The following CGN variants were observed in gnomAD, a reference collection of about 807,000 sequenced individuals.
The protein encoded by CGN is cingulin.
A neutral mutation model predicts 157.1 loss-of-function variants in CGN; 121 were observed. The observed-to-expected ratio is 0.77, with a 90% CI of 0.66 to 0.90. The LOEUF is 0.90. CGN is among the 40% of genes least tolerant of loss of function. CGN has a pLI of 0.00. For synonymous variants in CGN, 535 were observed against 607.5 expected (o/e 0.88, Z 1.76); for missense variants, 1,424 against 1,520.9 (o/e 0.94, Z 1.06).
At chr1:151,536,969 A>G (rs1177415518) in intron 20 of CGN, 76 bp downstream of exon 20, 10 of 1,489,360 alleles carry the variant, frequency 6.7e-6, no homozygotes, top group Non-Finnish European at 9.1e-6. Context: ...GTGCTGGATA[A>G]GGAGGAGAAT....
intron 9 of CGN, 71 bp from the exon 10 acceptor site, chr1:151,526,904 A>G (rs1664693396): frequency 6.3e-7 from 1 of 1,594,544 alleles, no homozygotes; most frequent in Non-Finnish European, 8.6e-7. Flanking sequence ...TTTTATTGTC[A>G]TGCTAACCTC....
At chr1:151,520,056 G>T in intron 2 of CGN, 110 bp from the exon 3 acceptor site, 2 of 771,288 alleles carry the variant, frequency 2.6e-6, no homozygotes, top group East Asian at 2.7e-5. Flanking sequence ...GAAGGGACTT[G>T]ACCTGAGACT....
Position 151,524,672 on chromosome 1 carries a change from A to G in CGN, c.1402-2A>G, listed in dbSNP as rs1288637880. On this transcript the variant is annotated splice_acceptor_variant, in intron 7 of 20. Coordinates refer to ENST00000271636, the MANE Select transcript of CGN (RefSeq NM_020770.3). LOFTEE classifies it high-confidence loss of function. This position sits in a 1 kb window ranked among gnomAD's most constrained non-coding sequence, Gnocchi z 4.4. ...CTGTACTTCTTCCTTTATTTTCTCC[A>G]GGACCTGTTAGAGACCCGGGAACTT... 6 of 1,603,510 alleles carry G rather than the reference A, an allele frequency of 3.7e-6. No homozygotes were observed. The highest frequency in any genetic ancestry group is 5.1e-6 in the Non-Finnish European group (6 of 1,176,894).
rs371835042 is a variant in CGN, at chr1:151,519,145, G to A, written c.626G>A (p.Arg209His). The A allele has an allele frequency of 4.5e-5, 73 of 1,614,022 alleles. No individual in the cohort carries two copies. The highest frequency in any genetic ancestry group is 1.1e-4 in the African/African-American group (8 of 75,038). Reference protein sequence around the residue: ...RRTRMLPPEQRKRSKSLDSRL... With the variant: ...RRTRMLPPEQHKRSKSLDSRL... ...ACACGGATGCTACCCCCTGAACAGC[G>A]CAAACGGAGCAAGAGCCTGGACAGC... The change falls in exon 2 of 21, where the codon CGC becomes CAC. Residue 209 changes from arginine to histidine, a missense_variant. Arg to His is a conservative substitution (Grantham distance 29). Around this residue, in one of 3 missense-constraint regions of CGN, gnomAD observed 1,187 missense variants for 1,217.6 expected, o/e 0.97. Transcript: ENST00000271636.
At chr1:151,526,164 G>A (rs1443048337) in intron 9 of CGN, among the ~76,000 whole-genome samples, 8 of 141,814 alleles carry the variant, frequency 5.6e-5, no homozygotes, top group Non-Finnish European at 9.1e-5. Context: ...GAGCCGCTGC[G>A]CCTGGCCCCC....
chr1:151,530,024 G>A lies in CGN; in HGVS notation c.2222G>A (p.Gly741Asp). Residue 741 changes from glycine (G) to aspartate (D), a missense_variant, in exon 12 of 21, where the codon GGT becomes GAT. This residue lies in a region of CGN where 1,187 missense variants were observed against 1,217.6 expected (regional missense o/e 0.97). Coordinates refer to ENST00000271636, the MANE Select transcript of CGN (RefSeq NM_020770.3). ...GACGAATTCCGCCGGCGCATCCTGGGTTTGGAGCAGCAGCTGAAGGAGACT... is the reference window on the plus strand; with the variant it reads ...GACGAATTCCGCCGGCGCATCCTGGATTTGGAGCAGCAGCTGAAGGAGACT... The part of the protein sequence containing the change: ...ENDEFRRRIL[G>D]LEQQLKETRG... 6.2e-7 allele frequency: 1 copy of A among 1,614,184 alleles called. No homozygotes were observed. The highest frequency in any genetic ancestry group is 8.5e-7 in the Non-Finnish European group (1 of 1,180,026).
chr1:151,519,932 C>G (rs1664501133), intron 2 of CGN, among the ~76,000 whole-genome samples: 1 of 152,176 alleles, frequency 6.6e-6, no homozygotes, highest in African/African-American at 2.4e-5. Flanking sequence ...TGAGGAAAAT[C>G]TGGTTTACAG....
At position 151,519,387 on chromosome 1, in the gene CGN, C is replaced by T. The variant is rs777540738; in HGVS notation, c.868C>T (p.Leu290=). The T allele has an allele frequency of 1.3e-6, 2 of 1,587,226 alleles. No individual in the cohort carries two copies. Among genetic ancestry groups the T allele is most frequent in the South Asian group, 2.2e-5 (2 of 89,852 alleles). Residue 290 remains leucine (L), a synonymous_variant, in exon 2 of 21, where the codon CTG becomes TTG. Transcript: ENST00000271636. ...PRRSAQDPTM[L]QFKSTPDLLR... ...GAGGAGTGCACAGGACCCCACCATG[C>T]TGCAGGTCAGACCCAGCCCCTCCCT... is the stretch of plus-strand genomic sequence containing the variant.
At chr1:151,515,065 G>A (rs927666500) in intron 1 of CGN, among the ~76,000 whole-genome samples, 2 of 150,722 alleles carry the variant, frequency 1.3e-5, no homozygotes, top group Non-Finnish European at 1.5e-5. Flanking sequence ...CCAGGCTGGC[G>A]GATCTCGGCT....
intron 9 of CGN, 54 bp from the exon 10 acceptor site, chr1:151,526,921 G>T: frequency 6.2e-7 from 1 of 1,610,378 alleles, no homozygotes; most frequent in East Asian, 2.2e-5. Context: ...CCTCCCCCAG[G>T]CATGTGGCCT....
rs1410755117 is a variant in CGN, at chr1:151,529,922, C to T, written c.2120C>T (p.Ala707Val). ...AACCGTCCTTAGGCTAAGATGGTGG[C>T]CGAGGCAGAGGCAACAGTGCTGGGG... ...CEEASKAKMVAEAEATVLGQR... is the reference protein window; with the variant it reads ...CEEASKAKMVVEAEATVLGQR... The change falls in exon 12 of 21, where the codon GCC (alanine) becomes GTC (valine). Residue 707 changes from alanine (A) to valine (V), a missense_variant. Physicochemically the swap from Ala to Val is moderately conservative, Grantham distance 64. This residue lies in a region of CGN where 1,187 missense variants were observed against 1,217.6 expected (regional missense o/e 0.97). Transcript: ENST00000271636. 2 of 1,613,548 alleles carry T rather than the reference C, an allele frequency of 1.2e-6. No homozygotes were observed. The highest frequency in any genetic ancestry group is 1.3e-5 in the African/African-American group (1 of 74,916).
Position 151,537,417 on chromosome 1 carries a change from C to T in CGN, c.*71C>T. ...AGCAAGTGCTGCTCTGCTCTGCCCA[C>T]CCTGGGTTCTGCATTCCTATGGGTG... On this transcript the variant is annotated 3_prime_UTR_variant, in exon 21 of 21. Coordinates refer to ENST00000271636, the MANE Select transcript of CGN (RefSeq NM_020770.3). 2 of 1,436,546 alleles carry T rather than the reference C, an allele frequency of 1.4e-6. No homozygotes were observed. Among genetic ancestry groups the T allele is most frequent in the Admixed American group, 4.0e-5 (2 of 50,184 alleles). 89.0% of individuals were successfully genotyped at this position (1,436,546 alleles called of 1,614,324 possible).
intron 2 of CGN, 72 bp from the exon 3 acceptor site, chr1:151,520,094 G>A (rs538122873): frequency 5.1e-6 from 6 of 1,180,944 alleles, no homozygotes; most frequent in African/African-American, 1.6e-5. Context: ...TGAACCCCAC[G>A]CATGCTTCTG....
chr1:151,536,684 T>G, intron 19 of CGN, 46 bp from the exon 20 acceptor site: 1 of 1,592,534 alleles, frequency 6.3e-7, no homozygotes, highest in Non-Finnish European at 8.6e-7. Context: ...TCCCAGGCCA[T>G]GGTAGTAGAT....
At chr1:151,530,386 T>C (rs1571667454) in intron 12 of CGN, 103 bp from the exon 13 acceptor site, 2 of 1,382,416 alleles carry the variant, frequency 1.4e-6, no homozygotes, top group Admixed American at 4.6e-5. Flanking sequence ...TTGCACATCA[T>C]TTTCATAAAT....
In CGN at chr1:151,530,539, G is replaced by C; in HGVS notation, c.2364G>C (p.Glu788Asp). Residue 788 changes from glutamate (E) to aspartate (D), a missense_variant, in exon 13 of 21, where the codon GAG (glutamate) becomes GAC (aspartate). Physicochemically the swap from Glu to Asp is conservative, Grantham distance 45. Transcript: ENST00000271636. ...EEALNASQEE[E>D]GSLAAAKRAL... ...CCCTGAATGCGTCCCAGGAAGAGGA[G>C]GGGAGTCTGGCAGCAGCCAAGCGGG... 1 of 1,606,734 alleles carries C rather than the reference G, an allele frequency of 6.2e-7. No individual in the cohort carries two copies. The highest frequency in any genetic ancestry group is 8.5e-7 in the Non-Finnish European group (1 of 1,177,914).
At position 151,523,543 on chromosome 1, in the gene CGN, C is replaced by T; in HGVS notation, c.1250C>T (p.Ala417Val). 1 of 1,609,924 alleles carries T rather than the reference C, an allele frequency of 6.2e-7. No homozygotes were observed. Among genetic ancestry groups the T allele is most frequent in the Non-Finnish European group, 8.5e-7 (1 of 1,178,332 alleles). The change falls in exon 6 of 21, where the codon GCC becomes GTC. Residue 417 changes from alanine to valine, a missense_variant. Coordinates refer to ENST00000271636, the MANE Select transcript of CGN (RefSeq NM_020770.3). Reference protein sequence around the residue: ...QELLERRKGEAQQSNKELQNM... With the variant: ...QELLERRKGEVQQSNKELQNM... ...CTGCTGGAGAGGAGGAAGGGGGAGGCCCAGCAGAGCAACAAGGAGTGAGTG... is the reference window on the plus strand; with the variant it reads ...CTGCTGGAGAGGAGGAAGGGGGAGGTCCAGCAGAGCAACAAGGAGTGAGTG...
chr1:151,530,152 C>A, intron 12 of CGN, 37 bp downstream of exon 12: 1 of 1,581,578 alleles, frequency 6.3e-7, no homozygotes, highest in Non-Finnish European at 8.6e-7. Flanking sequence ...CTCTGCTCAG[C>A]CCTGGTGAAA....
Position 151,518,590 on chromosome 1 carries a change from C to A in CGN, c.71C>A (p.Thr24Lys). The part of the protein sequence containing the change: ...VDHGVQIRFI[T>K]EPVSGAEMGT... ...CATGGAGTCCAGATTCGCTTCATCA[C>A]AGAGCCAGTGAGTGGTGCAGAGATG... The change falls in exon 2 of 21, where the codon ACA (threonine) becomes AAA (lysine). Residue 24 changes from threonine (T) to lysine (K), a missense_variant. By Grantham distance (78) the Thr-to-Lys change is moderately conservative. This residue lies in a region of CGN where 1,187 missense variants were observed against 1,217.6 expected (regional missense o/e 0.97). Transcript: ENST00000271636. 1 of 1,614,146 alleles carries A rather than the reference C, an allele frequency of 6.2e-7. No homozygotes were observed. The highest frequency in any genetic ancestry group is 8.5e-7 in the Non-Finnish European group (1 of 1,180,020).
Sources: allele counts gnomAD v4.1 joint callset (sites outside exome capture counted in the v4.1 genomes callset), GRCh38; gene constraint gnomAD v4.1.1; regional missense constraint gnomAD v4.1.1; non-coding constraint Gnocchi (gnomAD v3.1); transcripts MANE v1.5; gene names NCBI Gene and HGNC (gene_info 2026-07-23, HGNC 2026-07-21).